The following ATP1B3 variants were observed in gnomAD, a reference collection of about 807,000 sequenced individuals.
ATP1B3 encodes sodium/potassium-transporting ATPase subunit beta-3.
In ATP1B3, 10 loss-of-function variants were observed where a neutral mutation model predicts 30.2. The ratio of observed to expected loss-of-function variants is 0.33; its 90% CI spans 0.20 to 0.56. The LOEUF is 0.56. Among genes scored for constraint, ATP1B3 ranks in the 20% least tolerant of loss-of-function variants. The pLI is 0.90. For synonymous variants in ATP1B3, 113 were observed against 117.0 expected, an observed-to-expected ratio of 0.97 and a Z score of 0.22; for missense variants, 238 against 336.7, an observed-to-expected ratio of 0.71 and a Z score of 2.29.
chr3:141,921,047 C>T (rs1472948849), intron 5 of ATP1B3, among the ~76,000 whole-genome samples: 4 of 152,062 alleles, frequency 2.6e-5, no homozygotes, highest in African/African-American at 7.2e-5. Flanking sequence ...TTCATGCATG[C>T]TTTCAACCCT....
At chr3:141,924,151 C>T (rs1934613354) in intron 6 of ATP1B3, among the ~76,000 whole-genome samples, 1 of 151,826 alleles carries the variant, frequency 6.6e-6, no homozygotes, top group East Asian at 1.9e-4. Flanking sequence ...CGAGACCAGC[C>T]TGACCAACAT....
intron 3 of ATP1B3, among the ~76,000 whole-genome samples, chr3:141,909,778 G>A (rs1934328954): frequency 2.0e-5 from 3 of 152,116 alleles, no homozygotes; most frequent in Non-Finnish European, 2.9e-5. Context: ...GGGATTTTAA[G>A]CAGTGAACAA....
Position 141,876,755 on chromosome 3 carries a change from C to T in ATP1B3, c.-47C>T, listed in dbSNP as rs369621570. On this transcript the variant is annotated 5_prime_UTR_variant, in exon 1 of 7. Coordinates refer to ENST00000286371, the MANE Select transcript of ATP1B3 (RefSeq NM_001679.4). ...GGACGCGCCTCCGCAGCCCTCGCCG[C>T]CTCCATCCCCGCGGCCGCAGCTCCT... 4.7e-5 allele frequency: 70 copies of T among 1,497,902 alleles called. No individual in the cohort carries two copies. In the African/African-American group the frequency reaches 7.0e-4, roughly 15 times the overall value. 92.8% of individuals were successfully genotyped at this position (1,497,902 alleles called of 1,614,324 possible). A position where few individuals can be genotyped will look rare whatever the true frequency, so the allele number is the denominator to read the frequency against.
intron 1 of ATP1B3, among the ~76,000 whole-genome samples, chr3:141,901,431 A>C (rs1478070584): frequency 6.6e-6 from 1 of 152,196 alleles, no homozygotes; most frequent in Non-Finnish European, 1.5e-5. Context: ...TTTATATGTG[A>C]GACTGACTAG....
chr3:141,878,334 G>C (rs1933646634), intron 1 of ATP1B3, among the ~76,000 whole-genome samples: 1 of 152,184 alleles, frequency 6.6e-6, no homozygotes, highest in Non-Finnish European at 1.5e-5. Context: ...CCACTAGTGT[G>C]ATGAAGAAAT....
chr3:141,885,531 C>T (rs578135950), intron 1 of ATP1B3, among the ~76,000 whole-genome samples: 2 of 152,280 alleles, frequency 1.3e-5, no homozygotes, highest in East Asian at 3.9e-4. Flanking sequence ...TCACTGCAAC[C>T]TCCGCCTCCC....
At chr3:141,896,076 G>T (rs1468278882) in intron 1 of ATP1B3, among the ~76,000 whole-genome samples, 1 of 152,134 alleles carries the variant, frequency 6.6e-6, no homozygotes. Context: ...CTTGGACTGG[G>T]TGCGGTGGCT....
chr3:141,905,565 A>T (rs1351724875), intron 2 of ATP1B3, among the ~76,000 whole-genome samples: 1 of 151,852 alleles, frequency 6.6e-6, no homozygotes, highest in Non-Finnish European at 1.5e-5. Context: ...TTTTTTTCTA[A>T]TGATTTCTTT....
At chr3:141,925,395 G>C in intron 6 of ATP1B3, 136 bp from the exon 7 acceptor site, 2 of 839,556 alleles carry the variant, frequency 2.4e-6, no homozygotes, top group African/African-American at 1.7e-5. Flanking sequence ...GCTTCAATGA[G>C]CCATAATTGC....
chr3:141,895,670 C>T (rs1334048257), intron 1 of ATP1B3, among the ~76,000 whole-genome samples: 1 of 152,188 alleles, frequency 6.6e-6, no homozygotes, highest in Non-Finnish European at 1.5e-5. Context: ...TGAACATTCA[C>T]ATTTCCCTAC....
At position 141,917,285 on chromosome 3, in the gene ATP1B3, C is replaced by T. The variant is rs117815066; in HGVS notation, c.582+1265C>T. Among the ~76,000 whole-genome samples the T allele has an allele frequency of 7.9e-5, 12 of 152,214 alleles. No individual in the cohort carries two copies. In the East Asian group the frequency reaches 2.3e-3, roughly 29 times the overall value. On this transcript the variant is annotated intron_variant, in intron 5 of 6. Transcript: ENST00000286371. ...AGCATTTATTCACTATTTAGAGTAGCATAAAAAGCCAGGAAGTTTATGGTT... is the reference window on the plus strand; with the variant it reads ...AGCATTTATTCACTATTTAGAGTAGTATAAAAAGCCAGGAAGTTTATGGTT...
chr3:141,914,823 C>A (rs1055904944), intron 4 of ATP1B3, among the ~76,000 whole-genome samples: 2 of 152,212 alleles, frequency 1.3e-5, no homozygotes, highest in Non-Finnish European at 2.9e-5. Context: ...CAGACTGACA[C>A]CCCTCCAACC....
intron 1 of ATP1B3, among the ~76,000 whole-genome samples, chr3:141,893,079 G>A (rs1390347489): frequency 1.3e-5 from 2 of 152,058 alleles, no homozygotes; most frequent in African/African-American, 4.8e-5. Flanking sequence ...GTTCACTGCA[G>A]CCTCCACAAG....
In ATP1B3 at chr3:141,904,305, CT is replaced by C. The variant is rs202114170; in HGVS notation, c.238+568del. On this transcript the variant is annotated intron_variant, in intron 2 of 6. Transcript: ENST00000286371. ...GGGTTTGTTTTGTTTGTTTCGGTTTCTTTTTTTTTTTGTCAGAAGTAAGCAA... is the reference window on the plus strand; with the variant it reads ...GGGTTTGTTTTGTTTGTTTCGGTTTCTTTTTTTTTTGTCAGAAGTAAGCAA... Among the ~76,000 whole-genome samples, 432 of 143,470 alleles carry C rather than the reference CT, an allele frequency of 3.0e-3. 1 individual carries two copies. Among genetic ancestry groups the C allele is most frequent in the South Asian group, 0.016 (72 of 4,546 alleles). 94.1% of individuals were successfully genotyped at this position (143,470 alleles called of 152,430 possible).
intron 3 of ATP1B3, among the ~76,000 whole-genome samples, chr3:141,911,444 C>T (rs1934358128): frequency 6.6e-6 from 1 of 150,564 alleles, no homozygotes. Flanking sequence ...TATTTTGTTC[C>T]AATTATCTCT....
chr3:141,889,060 C>A (rs1314027735), intron 1 of ATP1B3, among the ~76,000 whole-genome samples: 1 of 145,148 alleles, frequency 6.9e-6, no homozygotes, highest in African/African-American at 2.6e-5. Flanking sequence ...CTTATTCTTA[C>A]ATGGTGGCAG....
chr3:141,893,381 C>T (rs1266655180), intron 1 of ATP1B3, among the ~76,000 whole-genome samples: 1 of 152,134 alleles, frequency 6.6e-6, no homozygotes, highest in Admixed American at 6.6e-5. Flanking sequence ...TATTTTTTAA[C>T]ATTTCCAATC....
chr3:141,891,950 A>G (rs1577959978), intron 1 of ATP1B3, among the ~76,000 whole-genome samples: 1 of 150,428 alleles, frequency 6.6e-6, no homozygotes, highest in African/African-American at 2.4e-5. Flanking sequence ...AATGTAAGTC[A>G]TGGTCAGTTT....
At chr3:141,877,147 G>T (rs1933616548) in intron 1 of ATP1B3, among the ~76,000 whole-genome samples, 1 of 150,796 alleles carries the variant, frequency 6.6e-6, no homozygotes, top group Non-Finnish European at 1.5e-5. Context: ...GCCGGGCCGC[G>T]CTGGTTCCTC....
Sources: gnomAD v4.1 joint callset for allele counts (sites outside exome capture counted in the v4.1 genomes callset) on GRCh38, gnomAD v4.1.1 for gene constraint, MANE v1.5 for transcripts, NCBI Gene and HGNC (gene_info 2026-07-23, HGNC 2026-07-21) for gene names.